The following DNAH3 variants were observed in gnomAD, a reference collection of about 807,000 sequenced individuals.
The protein encoded by DNAH3 is dynein axonemal heavy chain 3.
DNAH3 carries 332 observed loss-of-function variants against 432.5 expected under a neutral mutation model. The observed-to-expected ratio is 0.77, with a 90% confidence interval of 0.70 to 0.84. The LOEUF (loss-of-function observed/expected upper bound fraction) is 0.84, where lower values mean the gene tolerates loss of function less well. Ranked by LOEUF, DNAH3 falls within the 40% of genes least tolerant of loss-of-function variation. The pLI is 0.00. For missense variants in DNAH3, 4,861 were observed against 5,114.0 expected, an observed-to-expected ratio of 0.95 and a Z score of 1.51; for synonymous variants, 1,956 against 1,900.2, an observed-to-expected ratio of 1.03 and a Z score of -0.76.
chr16:21,147,966 G>A (rs1390147285), intron 1 of DNAH3, among the ~76,000 whole-genome samples: 1 of 152,150 alleles, frequency 6.6e-6, no homozygotes, highest in African/African-American at 2.4e-5. Flanking sequence ...CTTTAAAGGT[G>A]GTTTGAGGGA....
chr16:21,097,131 G>C (rs2091704874), intron 18 of DNAH3, among the ~76,000 whole-genome samples: 1 of 152,134 alleles, frequency 6.6e-6, no homozygotes, highest in Middle Eastern at 3.2e-3. Context: ...GACTCTGGGT[G>C]GCTGCCTATT....
chr16:21,130,972 C>T (rs2152820392), intron 7 of DNAH3, among the ~76,000 whole-genome samples: 1 of 152,272 alleles, frequency 6.6e-6, no homozygotes, highest in South Asian at 2.1e-4. Context: ...TGCCAAGCAG[C>T]AGTCTAAGCA....
chr16:20,971,256 T>TA (rs2152638204), intron 51 of DNAH3, among the ~76,000 whole-genome samples: 1 of 152,142 alleles, frequency 6.6e-6, no homozygotes, highest in East Asian at 1.9e-4. Flanking sequence ...AAAGAAACAC[T>TA]AAAATTTATG....
intron 48 of DNAH3, among the ~76,000 whole-genome samples, chr16:20,983,450 A>G (rs1212052261): frequency 6.7e-6 from 1 of 149,208 alleles, no homozygotes; most frequent in Non-Finnish European, 1.5e-5. Flanking sequence ...CTGGTCTCCC[A>G]TACACACTAT....
intron 27 of DNAH3, among the ~76,000 whole-genome samples, chr16:21,057,310 C>T (rs1405088491): frequency 1.3e-5 from 2 of 152,200 alleles, no homozygotes; most frequent in African/African-American, 2.4e-5. Flanking sequence ...TGATCATCTA[C>T]TCTGTGCTGG....
chr16:21,112,957 G>A (rs1041069784), intron 12 of DNAH3, among the ~76,000 whole-genome samples: 15 of 152,254 alleles, frequency 9.9e-5, no homozygotes, highest in East Asian at 7.7e-4. Context: ...TACCCCCATT[G>A]TATCTAGGAA....
chr16:20,970,039 A>G, intron 51 of DNAH3, 49 bp from the exon 52 acceptor site: 1 of 1,559,740 alleles, frequency 6.4e-7, no homozygotes, highest in Non-Finnish European at 8.8e-7. Flanking sequence ...GGCCTGGCAC[A>G]ATGGGGGCGA....
exon 62 of DNAH3, chr16:20,933,336 C>T (rs369704821): frequency 2.1e-5 from 34 of 1,613,976 alleles, no homozygotes; most frequent in African/African-American, 4.0e-5. Flanking sequence ...AGAAACATTG[C>T]GCTCTCCCCA....
chr16:21,153,687 G>A lies in DNAH3; in HGVS notation c.117+5638C>T, dbSNP rs183383444. 2.5e-3 allele frequency among the ~76,000 whole-genome samples: 384 copies of A among 152,182 alleles called. 7 individuals are homozygous for A. The highest frequency in any genetic ancestry group is 2.9e-3 in the South Asian group (14 of 4,812). On this transcript the variant is annotated intron_variant, in intron 1 of 61. Coordinates refer to ENST00000261383, the Ensembl canonical transcript of DNAH3. ...CGCCAGCGAGACCAGAAACCCACCA[G>A]AAGGAAGAAACTCCGAACACATCCG...
chr16:21,042,306 C>A, intron 31 of DNAH3, 103 bp from the exon 32 acceptor site: 1 of 1,165,080 alleles, frequency 8.6e-7, no homozygotes, highest in African/African-American at 1.5e-5. Flanking sequence ...CCCAATCACC[C>A]AAAAACCGCA....
At chr16:20,990,247 C>T (rs1045424656) in intron 44 of DNAH3, among the ~76,000 whole-genome samples, 8 of 152,358 alleles carry the variant, frequency 5.3e-5, no homozygotes, top group Admixed American at 2.0e-4. Context: ...TTCTCCCCTG[C>T]TAATTTGGTA....
intron 1 of DNAH3, among the ~76,000 whole-genome samples, chr16:21,153,745 C>T (rs929414869): frequency 6.6e-6 from 1 of 152,052 alleles, no homozygotes. Context: ...AGACGCGCTA[C>T]CTTAAGAGCT....
intron 14 of DNAH3, among the ~76,000 whole-genome samples, chr16:21,108,046 G>A (rs771905215): frequency 4.6e-5 from 7 of 152,038 alleles, no homozygotes; most frequent in Non-Finnish European, 7.4e-5. Context: ...GCTAATTTTT[G>A]TATTTTTAGT....
rs891764004 is a variant in DNAH3, at chr16:21,060,463, A to T, written c.3721-107T>A. 9.3e-6 allele frequency: 7 copies of T among 756,694 alleles called. 1 individual carries two copies. The South Asian group carries it at 1.1e-4, about 12-fold the overall frequency. The allele number at this position is 756,694 out of a possible 1,614,324, so 46.9% of individuals were successfully genotyped here. On this transcript the variant is annotated intron_variant, in intron 25 of 61. Transcript: ENST00000261383. The stretch of plus-strand genomic sequence containing the variant: ...CTGGACACGGCTGGAGGGATGCCAA[A>T]GGCTTGGCACCTTTTCAAGTCAATA...
chr16:21,000,392 T>G, exon 43 of DNAH3: 1 of 1,614,062 alleles, frequency 6.2e-7, no homozygotes, highest in East Asian at 2.2e-5. Context: ...AGGAAGTTGT[T>G]GGTGATGGCT....
chr16:21,122,149 A>G, intron 9 of DNAH3, 25 bp from the exon 11 acceptor site: 2 of 1,578,622 alleles, frequency 1.3e-6, no homozygotes, highest in Non-Finnish European at 1.7e-6. Context: ...AGGTAGGGCA[A>G]GCGTTACAAA....
chr16:21,039,976 A>G, intron 32 of DNAH3, 33 bp from the exon 33 acceptor site: 1 of 1,546,058 alleles, frequency 6.5e-7, no homozygotes, highest in Non-Finnish European at 8.9e-7. Flanking sequence ...GAATCGGAAC[A>G]CGTGCAGTGA....
At chr16:21,019,474 A>G (rs2088037467) in intron 41 of DNAH3, 150 bp downstream of exon 41, 1 of 876,848 alleles carries the variant, frequency 1.1e-6, no homozygotes, top group East Asian at 2.6e-5. Context: ...ATGATATTTT[A>G]ATTCTGTAAT....
intron 16 of DNAH3, among the ~76,000 whole-genome samples, chr16:21,103,082 G>A (rs929718819): frequency 2.0e-5 from 3 of 151,884 alleles, no homozygotes; most frequent in Non-Finnish European, 4.4e-5. Context: ...ACCAAACATC[G>A]TATATTCTCA....
Sources: gnomAD v4.1 joint callset for allele counts (sites outside exome capture counted in the v4.1 genomes callset) on GRCh38, gnomAD v4.1.1 for gene constraint, MANE v1.5 for transcripts, NCBI Gene and HGNC (gene_info 2026-07-23, HGNC 2026-07-21) for gene names.